Variants in ALG12 observed in about 807,000 individuals in gnomAD.
ALG12 encodes the protein ALG12 alpha-1,6-mannosyltransferase.
In ALG12, 36 loss-of-function variants were observed where a neutral mutation model predicts 46.0. That is an observed-to-expected ratio of 0.78 (90% CI 0.60 to 1.03). ALG12 has a LOEUF of 1.03. Ranked by LOEUF, ALG12 falls within the 50% of genes least tolerant of loss-of-function variation. The probability of loss-of-function intolerance (pLI) is 0.00; values close to 1 mark genes in which losing one functional copy is unlikely to be tolerated. For synonymous variants in ALG12, 326 were observed against 291.6 expected (o/e 1.12, Z -1.20); for missense variants, 599 against 633.5 (o/e 0.95, Z 0.58).
Position 49,903,958 on chromosome 22 carries a change from C to A in ALG12, c.1347G>T (p.Arg449=), listed in dbSNP as rs1215146135. ...TGGTCCCCACGACGCTGGCCAGGAC[C>A]CGGTGTGTGTCCCTGTAGAGGGCCA... ...GLLALYRDTH[R]VLASVVGTTG... Residue 449 remains arginine (R), a synonymous_variant, in exon 10 of 10, where the codon CGG becomes CGT. Transcript: ENST00000330817. 6 of 1,614,102 alleles carry A rather than the reference C, an allele frequency of 3.7e-6. No individual in the cohort carries two copies. The South Asian group carries it at 5.5e-5, about 15-fold the overall frequency.
chr22:49,885,855 G>A, the ALG12 span: 24 of 1,443,062 alleles, frequency 1.7e-5, no homozygotes, highest in South Asian at 4.6e-5. Flanking sequence ...TCCACTTCAC[G>A]TCTGGAATAT....
intron 7 of ALG12, among the ~76,000 whole-genome samples, chr22:49,907,476 T>C (rs2060548769): frequency 6.6e-6 from 1 of 152,174 alleles, no homozygotes; most frequent in African/African-American, 2.4e-5. Context: ...CAACACACCC[T>C]GTGTTTATCT....
the ALG12 span, among the ~76,000 whole-genome samples, chr22:49,871,760 T>TATTTA: frequency 1.6e-5 from 2 of 128,698 alleles, no homozygotes. Context: ...TTTATTTATT[T>TATTTA]TTTTTTTTTT....
chr22:49,913,320 C>T (rs371682004), intron 3 of ALG12, 65 bp downstream of exon 3: 206 of 1,607,456 alleles, frequency 1.3e-4, no homozygotes, highest in South Asian at 1.2e-3. Flanking sequence ...ACCGCGGCCT[C>T]GCTGAGGTCA....
At chr22:49,869,768 A>G in the ALG12 span, among the ~76,000 whole-genome samples, 2 of 152,264 alleles carry the variant, frequency 1.3e-5, no homozygotes, top group African/African-American at 4.8e-5. Context: ...TTCCCATTTC[A>G]TCTGTGTCCT....
chr22:49,904,165 T>G lies in ALG12; in HGVS notation c.1238+14A>C, dbSNP rs1484531183. On this transcript the variant is annotated intron_variant, in intron 9 of 9. Transcript: ENST00000330817. ...CATGGCCTCTGGGAGGGCCGTGCTGTGTGTGGATCCTACCTCCAGGCGCTG... is the reference window on the plus strand; with the variant it reads ...CATGGCCTCTGGGAGGGCCGTGCTGGGTGTGGATCCTACCTCCAGGCGCTG... 3 of 1,614,142 alleles carry G rather than the reference T, an allele frequency of 1.9e-6. No homozygotes were observed. The Admixed American group carries it at 5.0e-5, about 27-fold the overall frequency.
At chr22:49,873,582 T>G in the ALG12 span, among the ~76,000 whole-genome samples, 1 of 152,196 alleles carries the variant, frequency 6.6e-6, no homozygotes, top group Non-Finnish European at 1.5e-5. Context: ...GCCCCTGCTG[T>G]TAGAAAATGG....
chr22:49,876,560 G>A, the ALG12 span, among the ~76,000 whole-genome samples: 173 of 151,862 alleles, frequency 1.1e-3, no homozygotes, highest in African/African-American at 4.1e-3. Context: ...ATCTTTACCC[G>A]GTATTAATGT....
chr22:49,894,562 T>C, the ALG12 span, among the ~76,000 whole-genome samples: 1 of 152,294 alleles, frequency 6.6e-6, no homozygotes, highest in East Asian at 1.9e-4. Context: ...GAGGACTCAT[T>C]AGAGATGGAG....
rs527989490 is a variant in ALG12 at position 49,916,602 on chromosome 22, A to C, written c.-79+1661T>G. ...CTCAAAAAAAAAGAAATAGGAAGCAAGCCGGATGTGTTGGCTCACGCCTGT... is the reference window on the plus strand; with the variant it reads ...CTCAAAAAAAAAGAAATAGGAAGCACGCCGGATGTGTTGGCTCACGCCTGT... On this transcript the variant is annotated intron_variant, in intron 1 of 9. Transcript: ENST00000330817. Among the ~76,000 whole-genome samples, 17 of 152,218 alleles carry C rather than the reference A, an allele frequency of 1.1e-4. No individual in the cohort carries two copies. In the South Asian group the frequency reaches 3.5e-3, roughly 32 times the overall value.
intron 1 of ALG12, among the ~76,000 whole-genome samples, chr22:49,915,993 C>T (rs994781794): frequency 6.6e-6 from 1 of 152,234 alleles, no homozygotes; most frequent in Non-Finnish European, 1.5e-5. Context: ...GGAGCGGTGG[C>T]TCATTCCTGT....
rs773651534 is a variant in ALG12, at chr22:49,904,383, A to T, written c.1116T>A (p.Gly372=). The T allele has an allele frequency of 6.2e-7, 1 of 1,614,154 alleles. No homozygotes were observed. The highest frequency in any genetic ancestry group is 8.5e-7 in the Non-Finnish European group (1 of 1,180,028). ...GGTGCAGCCTCTGCATTGCGACGCC[A>T]CCTGGGTAGTTGAAATGGGACACAT... ...ALYVSHFNYP[G]GVAMQRLHQL... The change falls in exon 8 of 10, where the codon GGT becomes GGA. Residue 372 remains glycine, a synonymous_variant. Transcript: ENST00000330817.
At chr22:49,886,824 G>A in the ALG12 span, 4,287 of 1,613,576 alleles carry the variant, frequency 2.7e-3, 16 homozygotes, top group Middle Eastern at 7.6e-3. The surrounding 1 kb of genome is among the most constrained non-coding windows in gnomAD (Gnocchi z 7.7). Flanking sequence ...CTGGCTCCCC[G>A]TCGAAAGACT....
Position 49,909,944 on chromosome 22 carries a change from G to A in ALG12, c.614C>T (p.Ser205Phe), listed in dbSNP as rs758338054. The A allele has an allele frequency of 8.1e-6, 13 of 1,613,978 alleles. No homozygotes were observed. The South Asian group carries it at 1.3e-4, about 16-fold the overall frequency. The change falls in exon 5 of 10, where the codon TCT becomes TTT. Residue 205 changes from serine to phenylalanine, a missense_variant. Transcript: ENST00000330817. ...GGCGTGGCGAAGGGCTCTGACTACAGAAACCTTTCGGTTGCCCAAGGCCAG... is the reference window on the plus strand; with the variant it reads ...GGCGTGGCGAAGGGCTCTGACTACAAAAACCTTTCGGTTGCCCAAGGCCAG... The part of the protein sequence containing the change: ...LLLALGNRKV[S>F]VVRALRHAVP...
At chr22:49,899,496 T>C (rs1286074708), downstream of ALG12, among the ~76,000 whole-genome samples, 3 of 149,368 alleles carry the variant, frequency 2.0e-5, no homozygotes, top group Admixed American at 2.0e-4. Context: ...AAAAAAATGA[T>C]TGAAACGACA....
At chr22:49,883,514 CTA>C in the ALG12 span, 35 of 1,117,058 alleles carry the variant, frequency 3.1e-5, no homozygotes, top group Admixed American at 6.1e-4. Flanking sequence ...TTTTTCAGTA[CTA>C]TTTATGATTA....
chr22:49,875,904 C>T, the ALG12 span, among the ~76,000 whole-genome samples: 2 of 150,790 alleles, frequency 1.3e-5, no homozygotes, highest in African/African-American at 2.4e-5. Flanking sequence ...TTTTATTGCT[C>T]TTTCCCAAGA....
At chr22:49,873,870 G>A in the ALG12 span, among the ~76,000 whole-genome samples, 2 of 152,040 alleles carry the variant, frequency 1.3e-5, no homozygotes, top group African/African-American at 4.8e-5. Context: ...CGAGGAGCGT[G>A]GAGGACAAGA....
the ALG12 span, chr22:49,884,808 G>C: frequency 6.2e-7 from 1 of 1,610,276 alleles, no homozygotes; most frequent in Admixed American, 1.7e-5. Flanking sequence ...CGGTCAGAGA[G>C]TCCCCTTCGG....
Sources: gnomAD v4.1 joint callset for allele counts (sites outside exome capture counted in the v4.1 genomes callset) on GRCh38, gnomAD v4.1.1 for gene constraint, Gnocchi (gnomAD v3.1) non-coding constraint, MANE v1.5 for transcripts, NCBI Gene and HGNC (gene_info 2026-07-23, HGNC 2026-07-21) for gene names.